TRIO: variants seen among roughly 807,000 people sequenced by gnomAD.
The protein encoded by TRIO is triple functional domain protein.
TRIO carries 58 observed loss-of-function variants against 351.9 expected under a neutral mutation model. The observed-to-expected ratio is 0.16, with a 90% confidence interval of 0.13 to 0.21. The LOEUF is 0.21. TRIO is among the 10% of genes least tolerant of loss of function. The probability of loss-of-function intolerance (pLI) is 1.00; values close to 1 mark genes in which losing one functional copy is unlikely to be tolerated. For missense variants in TRIO, 3,201 were observed against 4,027.8 expected (o/e 0.79, Z 5.56); for synonymous variants, 1,758 against 1,595.7 (o/e 1.10, Z -2.42).
At chr5:14,476,692 G>A (rs1755099357) in intron 40 of TRIO, among the ~76,000 whole-genome samples, 1 of 151,986 alleles carries the variant, frequency 6.6e-6, no homozygotes, top group Non-Finnish European at 1.5e-5. Context: ...TACTTGGGAG[G>A]CTGAGGCAGG....
chr5:14,332,747 G>A (rs1741017061), intron 10 of TRIO, among the ~76,000 whole-genome samples: 1 of 152,086 alleles, frequency 6.6e-6, no homozygotes, highest in Non-Finnish European at 1.5e-5. Flanking sequence ...CAAGACAGTG[G>A]AAAACTTCAT....
At chr5:14,480,615 A>G (rs1755439761) in intron 43 of TRIO, among the ~76,000 whole-genome samples, 3 of 152,324 alleles carry the variant, frequency 2.0e-5, no homozygotes, top group South Asian at 4.1e-4. Context: ...AGAGACTTCA[A>G]GTGTATTGAT....
At chr5:14,454,055 G>A (rs377416731) in intron 34 of TRIO, among the ~76,000 whole-genome samples, 1 of 151,806 alleles carries the variant, frequency 6.6e-6, no homozygotes, top group East Asian at 1.9e-4. Flanking sequence ...TCAGCTTCCC[G>A]AGTAGCTGGG....
chr5:14,461,130 C>G lies in TRIO; in HGVS notation c.5315C>G (p.Thr1772Ser). ...SSPGPKRPGNTLRKWLTSPVR... is the reference protein window; with the variant it reads ...SSPGPKRPGNSLRKWLTSPVR... ...CCGGGCCCCAAGCGGCCGGGCAACACCCTGCGCAAGTGGCTCACCAGCCCC... is the reference window on the plus strand; with the variant it reads ...CCGGGCCCCAAGCGGCCGGGCAACAGCCTGCGCAAGTGGCTCACCAGCCCC... The change falls in exon 35 of 57, where the codon ACC becomes AGC. Residue 1772 changes from threonine (T) to serine (S), a missense_variant. Physicochemically the swap from Thr to Ser is moderately conservative, Grantham distance 58 (BLOSUM62 1). Around this residue, in one of 19 missense-constraint regions of TRIO, gnomAD observed 193 missense variants for 218.8 expected, o/e 0.88. Coordinates refer to ENST00000344204, the MANE Select transcript of TRIO (RefSeq NM_007118.4). 6.4e-7 allele frequency: 1 copy of G among 1,556,918 alleles called. No homozygotes were observed. The highest frequency in any genetic ancestry group is 8.7e-7 in the Non-Finnish European group (1 of 1,151,124).
At chr5:14,385,006 A>G (rs958105627) in intron 21 of TRIO, among the ~76,000 whole-genome samples, 1 of 152,232 alleles carries the variant, frequency 6.6e-6, no homozygotes, top group Admixed American at 6.5e-5. Context: ...GAGATCATCA[A>G]CTTTACTTAA....
chr5:14,295,210 A>G (rs1737246182), intron 6 of TRIO, among the ~76,000 whole-genome samples: 1 of 152,240 alleles, frequency 6.6e-6, no homozygotes, highest in African/African-American at 2.4e-5. Flanking sequence ...AAATACCAAT[A>G]TGCCAAGTTA....
At chr5:14,426,579 T>C (rs1750658008) in intron 34 of TRIO, among the ~76,000 whole-genome samples, 3 of 152,166 alleles carry the variant, frequency 2.0e-5, no homozygotes, top group African/African-American at 7.2e-5. Context: ...ACAGGAATGA[T>C]GATTGCAGAT....
intron 1 of TRIO, among the ~76,000 whole-genome samples, chr5:14,202,020 T>C (rs528110779): frequency 5.3e-5 from 8 of 150,248 alleles, no homozygotes; most frequent in South Asian, 2.1e-4. Context: ...CTAATGTAAA[T>C]GACGAATTAA....
At chr5:14,370,102 C>CTTTT (rs1471909467) in intron 18 of TRIO, among the ~76,000 whole-genome samples, 1 of 151,426 alleles carries the variant, frequency 6.6e-6, no homozygotes, top group African/African-American at 2.4e-5. Flanking sequence ...ACTGCTTTTT[C>CTTTT]TTTTCTTTCT....
At chr5:14,377,069 C>G (rs1745623135) in intron 19 of TRIO, among the ~76,000 whole-genome samples, 2 of 151,866 alleles carry the variant, frequency 1.3e-5, no homozygotes, top group African/African-American at 4.8e-5. Context: ...CATATGTTCC[C>G]AATGCTTAAA....
At chr5:14,172,832 G>A (rs1253349794) in intron 1 of TRIO, among the ~76,000 whole-genome samples, 4 of 152,224 alleles carry the variant, frequency 2.6e-5, no homozygotes, top group Admixed American at 2.0e-4. Flanking sequence ...AATAACATAG[G>A]TGCTATCTTG....
intron 33 of TRIO, among the ~76,000 whole-genome samples, chr5:14,413,356 G>C (rs1250385933): frequency 1.3e-5 from 2 of 152,152 alleles, no homozygotes; most frequent in Non-Finnish European, 2.9e-5. Context: ...TTTCATCCTA[G>C]CTGCATGCGT....
At chr5:14,468,148 G>GGAGA (rs1610870) in intron 37 of TRIO, among the ~76,000 whole-genome samples, 33,178 of 152,102 alleles carry the variant, frequency 0.22, 3,710 homozygotes, top group Middle Eastern at 0.37. Flanking sequence ...ACTTCCAAAT[G>GGAGA]GAGAGGTGGT....
At position 14,387,651 on chromosome 5, in the gene TRIO, A is replaced by T; in HGVS notation, c.3765+19A>T. 6.2e-7 allele frequency: 1 copy of T among 1,608,614 alleles called. No homozygotes were observed. Among genetic ancestry groups the T allele is most frequent in the Non-Finnish European group, 8.5e-7 (1 of 1,175,902 alleles). On this transcript the variant is annotated intron_variant, in intron 22 of 56. Transcript: ENST00000344204. ...CAAATCGGTAAATGGCCTTGTGCAA[A>T]CTGAATAAATTATGGTCTTCTTCCT...
intron 6 of TRIO, among the ~76,000 whole-genome samples, chr5:14,296,066 G>C (rs1173287988): frequency 6.6e-6 from 1 of 152,182 alleles, no homozygotes; most frequent in Admixed American, 6.5e-5. Flanking sequence ...CAGGAAGGAG[G>C]CTGTTGTGGG....
chr5:14,388,011 G>T, intron 23 of TRIO, 164 bp downstream of exon 23: 1 of 632,426 alleles, frequency 1.6e-6, no homozygotes, highest in Non-Finnish European at 2.8e-6. Flanking sequence ...TGCGTTCACT[G>T]TCCTCTTATC....
At chr5:14,414,769 T>G (rs1179884680) in intron 33 of TRIO, among the ~76,000 whole-genome samples, 3 of 152,176 alleles carry the variant, frequency 2.0e-5, no homozygotes, top group Admixed American at 1.3e-4. Flanking sequence ...AGTGAACGCT[T>G]CTTCTTGGAA....
intron 18 of TRIO, among the ~76,000 whole-genome samples, chr5:14,371,438 G>T (rs1229385633): frequency 2.6e-5 from 4 of 152,036 alleles, no homozygotes; most frequent in Non-Finnish European, 4.4e-5. Flanking sequence ...CAACTTTTCT[G>T]ATTATCAATG....
intron 11 of TRIO, among the ~76,000 whole-genome samples, chr5:14,338,044 A>G (rs1217920957): frequency 2.6e-5 from 4 of 152,050 alleles, no homozygotes; most frequent in Admixed American, 1.3e-4. Context: ...TTTTGAGGAG[A>G]CACATTAAAT....
Sources: allele counts gnomAD v4.1 joint callset (sites outside exome capture counted in the v4.1 genomes callset), GRCh38; gene constraint gnomAD v4.1.1; regional missense constraint gnomAD v4.1.1; transcripts MANE v1.5; gene names NCBI Gene and HGNC (gene_info 2026-07-23, HGNC 2026-07-21).